SUN1: variants seen among roughly 807,000 people sequenced by gnomAD.
SUN1 encodes the protein SUN domain-containing protein 1.
SUN1 carries 61 observed loss-of-function variants against 103.2 expected under a neutral mutation model. The ratio of observed to expected loss-of-function variants is 0.59; its 90% CI spans 0.48 to 0.73. The LOEUF is 0.73. Among genes scored for constraint, SUN1 ranks in the 30% least tolerant of loss-of-function variants. The pLI is 0.00. For missense variants in SUN1, 1,052 were observed against 1,034.6 expected, an observed-to-expected ratio of 1.02 and a Z score of -0.23; for synonymous variants, 490 against 425.7, an observed-to-expected ratio of 1.15 and a Z score of -1.86.
chr7:830,904 C>T (rs1008098834), upstream of SUN1: 20 of 974,186 alleles, frequency 2.1e-5, no homozygotes, highest in Admixed American at 6.2e-5. Flanking sequence ...TGCTGCTGGG[C>T]GGGGCTGGGT....
intron 17 of SUN1, among the ~76,000 whole-genome samples, chr7:871,508 C>A (rs1841661360): frequency 6.6e-6 from 1 of 152,238 alleles, no homozygotes; most frequent in Non-Finnish European, 1.5e-5. Context: ...CTGCCTCAGC[C>A]TCCCGAGTAG....
intron 11 of SUN1, among the ~76,000 whole-genome samples, 198 bp downstream of exon 11, chr7:855,204 C>T (rs7810182): frequency 0.44 from 67,384 of 152,136 alleles, 14,999 homozygotes; most frequent in East Asian, 0.5. Flanking sequence ...GTGTAACTCA[C>T]GCATCCCCGT....
chr7:857,682 GT>G (rs1330411639), intron 12 of SUN1, 145 bp from the exon 13 acceptor site: 1 of 1,066,952 alleles, frequency 9.4e-7, no homozygotes, highest in Non-Finnish European at 1.3e-6. Context: ...CTGGCATCCA[GT>G]TTCCACGTTA....
intron 17 of SUN1, among the ~76,000 whole-genome samples, chr7:872,092 A>G (rs1842125314): frequency 6.6e-6 from 1 of 152,120 alleles, no homozygotes; most frequent in South Asian, 2.1e-4. Flanking sequence ...GTGAGGCCTC[A>G]TCTCCCCGGG....
intron 1 of SUN1, among the ~76,000 whole-genome samples, chr7:820,117 T>C (rs1784613946): frequency 6.6e-6 from 1 of 152,204 alleles, no homozygotes; most frequent in Non-Finnish European, 1.5e-5. Context: ...AAAAAGACCA[T>C]TGGGGTTTTG....
In SUN1 at chr7:843,538, A is replaced by G; in HGVS notation, c.658+18A>G. The G allele has an allele frequency of 6.2e-7, 1 of 1,613,916 alleles. No homozygotes were observed. The highest frequency in any genetic ancestry group is 8.5e-7 in the Non-Finnish European group (1 of 1,179,900). On this transcript the variant is annotated intron_variant, in intron 5 of 18. Transcript: ENST00000401592. ...TCAAAAATGTAAGTCTCAGTCCTTT[A>G]AAACTCAGAAAAAGGTGTGTTTTCC...
At chr7:865,451 G>A (rs982212446) in intron 15 of SUN1, among the ~76,000 whole-genome samples, 3 of 152,170 alleles carry the variant, frequency 2.0e-5, no homozygotes, top group Admixed American at 2.0e-4. Context: ...ACTCCATTGT[G>A]TATATGTACG....
At chr7:824,944 A>AC (rs1790101360) in intron 1 of SUN1, among the ~76,000 whole-genome samples, 1 of 152,136 alleles carries the variant, frequency 6.6e-6, no homozygotes, top group African/African-American at 2.4e-5. Flanking sequence ...ACGTGTCCAC[A>AC]CCTCACAGCT....
rs192497146 is a variant in SUN1, at chr7:868,047, G to A, written c.1981-1302G>A. On this transcript the variant is annotated intron_variant, in intron 16 of 18. Coordinates refer to ENST00000401592, the MANE Select transcript of SUN1 (RefSeq NM_001130965.3). ...CAAGGCTCAGCTCCGTCTTCACAGC[G>A]CGGTAGAAGACGGCTTGGGGGCTGA... Among the ~76,000 whole-genome samples the A allele has an allele frequency of 2.0e-5, 3 of 152,360 alleles. 1 individual carries two copies. Among genetic ancestry groups the A allele is most frequent in the South Asian group, 4.1e-4 (2 of 4,830 alleles).
rs747017149 is a variant in SUN1, at chr7:866,042, C to T, written c.1955C>T (p.Ser652Leu). 2.0e-5 allele frequency: 33 copies of T among 1,613,974 alleles called. No individual in the cohort carries two copies. The highest frequency in any genetic ancestry group is 1.6e-4 in the Middle Eastern group (1 of 6,082). ...TTTGGGATCCCGCTGTGGTACTTCT[C>T]GCAGTCCCCGCGCGTGGTCATCCAG... is the stretch of plus-strand genomic sequence containing the variant. ...SLFGIPLWYFSQSPRVVIQPD... is the reference protein window; with the variant it reads ...SLFGIPLWYFLQSPRVVIQPD... Residue 652 changes from serine (S) to leucine (L), a missense_variant, in exon 16 of 19, where the codon TCG (serine) becomes TTG (leucine). Physicochemically the swap from Ser to Leu is moderately radical, Grantham distance 145. This residue lies in a region of SUN1 where 206 missense variants were observed against 260.1 expected (regional missense o/e 0.79). Coordinates refer to ENST00000401592, the MANE Select transcript of SUN1 (RefSeq NM_001130965.3).
chr7:826,693 T>TC (rs1433627685), intron 1 of SUN1, among the ~76,000 whole-genome samples: 3 of 152,272 alleles, frequency 2.0e-5, no homozygotes, highest in South Asian at 4.1e-4. Context: ...GTGGGCAGGT[T>TC]CCCCACGGTT....
chr7:855,406 G>A (rs1826199542), intron 11 of SUN1, among the ~76,000 whole-genome samples: 1 of 152,244 alleles, frequency 6.6e-6, no homozygotes, highest in Admixed American at 6.5e-5. Context: ...AGCTTTGGGT[G>A]GGAAGGCCGG....
chr7:849,355 C>T (rs967562207), intron 5 of SUN1, among the ~76,000 whole-genome samples: 1 of 152,200 alleles, frequency 6.6e-6, no homozygotes, highest in African/African-American at 2.4e-5. Flanking sequence ...TGGCCCGGGC[C>T]CTGTCAGCGG....
intron 5 of SUN1, chr7:849,923 G>A: frequency 6.3e-7 from 1 of 1,594,058 alleles, no homozygotes; most frequent in Admixed American, 1.7e-5. Context: ...ACACCTGCAG[G>A]CGACGACTGT....
chr7:873,099 A>G, intron 18 of SUN1, 116 bp from the exon 19 acceptor site: 1 of 960,484 alleles, frequency 1.0e-6, no homozygotes, highest in Non-Finnish European at 1.6e-6. Context: ...CAACAACAAC[A>G]AAAGGTTAAT....
At chr7:820,572 G>A (rs1484062422) in intron 1 of SUN1, among the ~76,000 whole-genome samples, 5 of 152,136 alleles carry the variant, frequency 3.3e-5, no homozygotes, top group Admixed American at 1.3e-4. Flanking sequence ...TTGACTGATT[G>A]CTCTGGGGAG....
At chr7:870,704 C>A (rs1034957426) in intron 17 of SUN1, among the ~76,000 whole-genome samples, 3 of 152,102 alleles carry the variant, frequency 2.0e-5, no homozygotes, top group Admixed American at 1.3e-4. Flanking sequence ...GCCGCTTCTC[C>A]TCTCACTGAG....
intron 16 of SUN1, among the ~76,000 whole-genome samples, chr7:867,979 G>GC (rs933217654): frequency 5.3e-5 from 8 of 152,266 alleles, no homozygotes; most frequent in Non-Finnish European, 1.0e-4. Context: ...AGCACCCTGA[G>GC]CTGGCAAGGG....
Position 843,399 on chromosome 7 carries a change from G to C in SUN1, c.537G>C (p.Ala179=). Residue 179 remains alanine (A), a synonymous_variant, in exon 5 of 19, where the codon GCG becomes GCC. Coordinates refer to ENST00000401592, the MANE Select transcript of SUN1 (RefSeq NM_001130965.3). ...ATGTGGGAGCCGCCGCCGCCACCGCGCACAACGGCTTCTCCTGCAGCAACT... is the reference window on the plus strand; with the variant it reads ...ATGTGGGAGCCGCCGCCGCCACCGCCCACAACGGCTTCTCCTGCAGCAACT... ...NGDVGAAAAT[A]HNGFSCSNCS... The C allele has an allele frequency of 6.2e-7, 1 of 1,612,842 alleles. No individual in the cohort carries two copies. Among genetic ancestry groups the C allele is most frequent in the Non-Finnish European group, 8.5e-7 (1 of 1,179,158 alleles).
Sources: allele counts gnomAD v4.1 joint callset (sites outside exome capture counted in the v4.1 genomes callset), GRCh38; gene constraint gnomAD v4.1.1; regional missense constraint gnomAD v4.1.1; transcripts MANE v1.5; gene names NCBI Gene and HGNC (gene_info 2026-07-23, HGNC 2026-07-21).